Variants in RASA3 observed in about 807,000 individuals in gnomAD.
The protein encoded by RASA3 is ras GTPase-activating protein 3.
In RASA3, 73 loss-of-function variants were observed where a neutral mutation model predicts 110.0. The ratio of observed to expected loss-of-function variants is 0.66; its 90% CI spans 0.55 to 0.81. RASA3 has a LOEUF of 0.81. Among genes scored for constraint, RASA3 ranks in the 30% least tolerant of loss-of-function variants. The pLI is 0.00. For missense variants in RASA3, 976 were observed against 1,113.2 expected (o/e 0.88, Z 1.75); for synonymous variants, 500 against 451.4 (o/e 1.11, Z -1.37).
intron 1 of RASA3, among the ~76,000 whole-genome samples, chr13:114,095,133 T>C (rs1427028890): frequency 6.6e-6 from 1 of 152,240 alleles, no homozygotes; most frequent in Non-Finnish European, 1.5e-5. Context: ...TCAGGATAAA[T>C]GCTTGATTAT....
At position 113,992,497 on chromosome 13, in the gene RASA3, C is replaced by A; in HGVS notation, c.2233G>T (p.Glu745Ter). The A allele has an allele frequency of 6.2e-7, 1 of 1,612,908 alleles. No homozygotes were observed. The highest frequency in any genetic ancestry group is 1.1e-5 in the South Asian group (1 of 91,068). Residue 745 changes from glutamate (E) to a stop codon, truncating the protein, a stop_gained, in exon 22 of 24, where the codon GAG becomes TAG. Transcript: ENST00000334062. LOFTEE classifies it high-confidence loss of function. ...CGGGCAGACTCACCCTGCATCTTCT[C>A]CAGCTTGCTCATGTACAAGTTGAAG... ...SLFNLYMSKL[E>*]KMQEACGSKS...
rs757331995 is a variant in RASA3 at position 114,057,114 on chromosome 13, G to A, written c.174-4959C>T. On this transcript the variant is annotated intron_variant, in intron 2 of 23. Transcript: ENST00000334062. The surrounding 1 kb of genome is among the most constrained non-coding windows in gnomAD (Gnocchi z 5.0). Reference sequence around the variant, plus strand: ...CAGAACAGGCTCCAGCACAGGCGATGGGTGAGTGTTTTGCATGTCTGATGT... The same window carrying A: ...CAGAACAGGCTCCAGCACAGGCGATAGGTGAGTGTTTTGCATGTCTGATGT... 1.3e-6 allele frequency: 1 copy of A among 779,270 alleles called. No homozygotes were observed. The highest frequency in any genetic ancestry group is 1.6e-6 in the Non-Finnish European group (1 of 641,876). 48.3% of individuals were successfully genotyped at this position (779,270 alleles called of 1,614,324 possible). A position where few individuals can be genotyped will look rare whatever the true frequency, so the allele number is the denominator to read the frequency against.
intron 2 of RASA3, among the ~76,000 whole-genome samples, chr13:114,068,680 GC>G (rs200212767): frequency 0.012 from 1,846 of 152,290 alleles, 28 homozygotes; most frequent in African/African-American, 0.043. Flanking sequence ...ATTTCAGGGA[GC>G]CTTTTAGTTT....
At chr13:114,010,810 T>TGGGGAGGAGGGGGCCGCGTGGGGAGG (rs1225559439) in intron 16 of RASA3, among the ~76,000 whole-genome samples, 62 of 11,012 alleles carry the variant, frequency 5.6e-3, no homozygotes, top group African/African-American at 6.7e-3. Context: ...GCGAGGGGAG[T>TGGGGAGGAGGGGGCCGCGTGGGGAGG]AGGGGGCTGC....
intron 1 of RASA3, among the ~76,000 whole-genome samples, chr13:114,089,285 G>C (rs1252831527): frequency 7.2e-6 from 1 of 139,852 alleles, no homozygotes; most frequent in East Asian, 2.3e-4. Context: ...GACGAGGGGA[G>C]ACGAGCGGGG....
intron 22 of RASA3, among the ~76,000 whole-genome samples, chr13:113,991,814 A>G (rs900328472): frequency 6.6e-6 from 1 of 152,184 alleles, no homozygotes; most frequent in Non-Finnish European, 1.5e-5. Flanking sequence ...CCAAAGACAT[A>G]CATGCATACT....
In RASA3 at chr13:114,052,058, T is replaced by C; in HGVS notation, c.271A>G (p.Ile91Val). The change falls in exon 3 of 24, where the codon ATC (isoleucine) becomes GTC (valine). Residue 91 changes from isoleucine (I) to valine (V), a missense_variant. Transcript: ENST00000334062. ...ATGCTCATTCATCACCTACCTATGA[T>C]GGAATCCCTCCGGAAAACGTCTCTA... is the stretch of plus-strand genomic sequence containing the variant. Reference protein sequence around the residue: ...FDRDVFRRDSIIGKVAIQKED... With the variant: ...FDRDVFRRDSVIGKVAIQKED... The C allele has an allele frequency of 1.2e-6, 2 of 1,601,860 alleles. No individual in the cohort carries two copies. Among genetic ancestry groups the C allele is most frequent in the Non-Finnish European group, 8.6e-7 (1 of 1,169,244 alleles).
At chr13:114,070,411 T>C (rs981098471) in intron 2 of RASA3, among the ~76,000 whole-genome samples, 4 of 152,098 alleles carry the variant, frequency 2.6e-5, no homozygotes, top group African/African-American at 9.7e-5. Context: ...TGTGCACCGA[T>C]GGAGGGCTTC....
At chr13:114,034,511 T>G (rs1266805533) in intron 4 of RASA3, among the ~76,000 whole-genome samples, 1 of 152,154 alleles carries the variant, frequency 6.6e-6, no homozygotes, top group Non-Finnish European at 1.5e-5. Context: ...CTGGTCACCA[T>G]CAGGTCCTGA....
At chr13:114,060,922 C>CGGAGCCCCCCACAGCCGGCAGAT (rs2079329718) in intron 2 of RASA3, among the ~76,000 whole-genome samples, 7 of 128,746 alleles carry the variant, frequency 5.4e-5, no homozygotes, top group Non-Finnish European at 1.2e-4. Context: ...AGCCGGCAGA[C>CGGAGCCCCCCACAGCCGGCAGAT]GGAGCCCCCA....
intron 1 of RASA3, among the ~76,000 whole-genome samples, chr13:114,087,162 C>T (rs1343198616): frequency 1.4e-4 from 14 of 101,540 alleles, no homozygotes; most frequent in African/African-American, 4.0e-4. Context: ...TTCGTCCTCG[C>T]GGGGAAATCC....
chr13:114,025,559 C>T (rs966874646), intron 7 of RASA3, among the ~76,000 whole-genome samples: 1 of 152,236 alleles, frequency 6.6e-6, no homozygotes, highest in Non-Finnish European at 1.5e-5. Context: ...TTGCATCCCT[C>T]CCATGCTGGC....
At chr13:114,022,954 C>G (rs1594339605) in intron 8 of RASA3, among the ~76,000 whole-genome samples, 2 of 152,162 alleles carry the variant, frequency 1.3e-5, no homozygotes, top group Admixed American at 6.5e-5. Flanking sequence ...GGAGGTGGAT[C>G]TGACTGACCA....
intron 21 of RASA3, 142 bp from the exon 22 acceptor site, chr13:113,992,730 C>T (rs1167696452): frequency 1.4e-5 from 10 of 694,446 alleles, no homozygotes; most frequent in Non-Finnish European, 2.2e-5. Flanking sequence ...ATTTGCTGTC[C>T]GTCTGTGCAC....
rs949994794 is a variant in RASA3, at chr13:114,096,365, G to T, written c.56-22528C>A. 6.6e-6 allele frequency among the ~76,000 whole-genome samples: 1 copy of T among 152,086 alleles called. No homozygotes were observed. Among genetic ancestry groups the T allele is most frequent in the Non-Finnish European group, 1.5e-5 (1 of 67,992 alleles). Reference sequence around the variant, plus strand: ...CAGTCACCTCAACAGCATCTCAGCCGTTGTCCGACACTGGGTGATTCTGCA... The same window carrying T: ...CAGTCACCTCAACAGCATCTCAGCCTTTGTCCGACACTGGGTGATTCTGCA... On this transcript the variant is annotated intron_variant, in intron 1 of 23. Coordinates refer to ENST00000334062, the MANE Select transcript of RASA3 (RefSeq NM_007368.4). The surrounding 1 kb of genome is among the most constrained non-coding windows in gnomAD (Gnocchi z 5.1).
At chr13:114,002,932 C>T (rs2053437817) in intron 18 of RASA3, among the ~76,000 whole-genome samples, 1 of 152,258 alleles carries the variant, frequency 6.6e-6, no homozygotes, top group African/African-American at 2.4e-5. Context: ...GCCCCGTCCC[C>T]AGTCCTGTGT....
intron 1 of RASA3, among the ~76,000 whole-genome samples, chr13:114,092,998 A>G (rs1050529290): frequency 1.3e-5 from 2 of 152,202 alleles, no homozygotes; most frequent in African/African-American, 4.8e-5. Flanking sequence ...AAAAAGAGAC[A>G]AAACCATGTA....
At chr13:114,013,332 C>T (rs1376174879) in intron 14 of RASA3, 84 bp from the exon 15 acceptor site, 11 of 962,262 alleles carry the variant, frequency 1.1e-5, no homozygotes, top group African/African-American at 1.6e-5. Flanking sequence ...CCTGAGGGTC[C>T]GCAGGGAAGT....
chr13:114,026,734 C>T (rs538038825), intron 7 of RASA3, among the ~76,000 whole-genome samples: 3 of 152,350 alleles, frequency 2.0e-5, no homozygotes, highest in South Asian at 2.1e-4. Context: ...GCCTGTGCAC[C>T]GGAATGTTTG....
Sources: allele counts gnomAD v4.1 joint callset (sites outside exome capture counted in the v4.1 genomes callset), GRCh38; gene constraint gnomAD v4.1.1; non-coding constraint Gnocchi (gnomAD v3.1); transcripts MANE v1.5; gene names NCBI Gene and HGNC (gene_info 2026-07-23, HGNC 2026-07-21).